Variants in SUMF1 observed in about 807,000 individuals in gnomAD.
SUMF1 encodes formylglycine-generating enzyme.
In SUMF1, 48 loss-of-function variants were observed where a neutral mutation model predicts 47.6. The observed-to-expected ratio is 1.01, with a 90% CI of 0.80 to 1.28. The LOEUF (loss-of-function observed/expected upper bound fraction) is 1.28. SUMF1 is among the 50% of genes most tolerant of loss of function. The probability of loss-of-function intolerance (pLI) is 0.00; values close to 1 mark genes in which losing one functional copy is unlikely to be tolerated. For synonymous variants in SUMF1, 230 were observed against 192.1 expected (o/e 1.20, Z -1.63); for missense variants, 571 against 485.4 (o/e 1.18, Z -1.66).
chr3:4,313,164 C>G (rs777727953), intron 8 of SUMF1: 6 of 1,613,998 alleles, frequency 3.7e-6, no homozygotes, highest in Admixed American at 3.3e-5. Flanking sequence ...AGTTCCACTT[C>G]CAAGTGTTCA....
chr3:4,298,209 A>G (rs1265916460), intron 8 of SUMF1, among the ~76,000 whole-genome samples: 1 of 152,196 alleles, frequency 6.6e-6, no homozygotes, highest in Non-Finnish European at 1.5e-5. Flanking sequence ...TCTAGCTATA[A>G]TGGTTTGCAG....
intron 7 of SUMF1, among the ~76,000 whole-genome samples, chr3:4,391,005 A>G (rs555776911): frequency 6.6e-4 from 100 of 152,206 alleles, no homozygotes; most frequent in African/African-American, 2.3e-3. Context: ...CTTCACCTTC[A>G]TTTTTGAAGG....
intron 9 of SUMF1, among the ~76,000 whole-genome samples, chr3:4,053,047 C>T (rs1193559340): frequency 6.6e-6 from 1 of 152,180 alleles, no homozygotes; most frequent in Non-Finnish European, 1.5e-5. Flanking sequence ...TTTTACATAC[C>T]TTCCTCACTA....
At chr3:4,270,864 A>T (rs537947294) in intron 8 of SUMF1, among the ~76,000 whole-genome samples, 9 of 152,364 alleles carry the variant, frequency 5.9e-5, no homozygotes, top group African/African-American at 2.2e-4. Flanking sequence ...ATTCTTAAAT[A>T]GCATTTCACC....
In SUMF1 at chr3:4,133,472, C is replaced by T. The variant is rs889926329; in HGVS notation, c.1015-64727G>A. Among the ~76,000 whole-genome samples, 4 of 151,986 alleles carry T rather than the reference C, an allele frequency of 2.6e-5. No homozygotes were observed. In the South Asian group the frequency reaches 8.3e-4, roughly 32 times the overall value. On this transcript the variant is annotated intron_variant and NMD_transcript_variant, in intron 8 of 12. Coordinates refer to the SUMF1 transcript ENST00000448413. ...GGATTGAAGGATACAAAGTATTGGTCCTCAGTGTGTCTGTGAGGGTGTTGC... is the reference window on the plus strand; with the variant it reads ...GGATTGAAGGATACAAAGTATTGGTTCTCAGTGTGTCTGTGAGGGTGTTGC...
At chr3:4,313,577 A>T in intron 8 of SUMF1, 1 of 1,614,104 alleles carries the variant, frequency 6.2e-7, no homozygotes, top group Non-Finnish European at 8.5e-7. Flanking sequence ...GAAAGGCTAG[A>T]TCATGGGAAA....
intron 9 of SUMF1, among the ~76,000 whole-genome samples, chr3:4,038,516 T>C (rs970058036): frequency 1.9e-4 from 29 of 152,152 alleles, no homozygotes; most frequent in South Asian, 2.1e-4. Flanking sequence ...CTGATAAATG[T>C]GGACTCCCAG....
chr3:4,390,535 G>T (rs908865927), intron 7 of SUMF1, among the ~76,000 whole-genome samples: 1 of 152,146 alleles, frequency 6.6e-6, no homozygotes, highest in South Asian at 2.1e-4. Context: ...ACACCTGTTA[G>T]CATTTCTGGG....
At chr3:4,080,085 G>T (rs1198594341) in intron 8 of SUMF1, among the ~76,000 whole-genome samples, 5 of 151,918 alleles carry the variant, frequency 3.3e-5, no homozygotes, top group Non-Finnish European at 7.4e-5. Flanking sequence ...TTTCCAGGGG[G>T]TGAGGAACAC....
intron 8 of SUMF1, among the ~76,000 whole-genome samples, chr3:4,216,361 C>T (rs907772768): frequency 2.6e-5 from 4 of 152,214 alleles, no homozygotes; most frequent in African/African-American, 7.2e-5. Context: ...AAACTGGAAC[C>T]CTTCCTTACA....
chr3:4,467,266 A>T lies in SUMF1; in HGVS notation c.-21T>A, dbSNP rs758662936. 3 of 1,602,424 alleles carry T rather than the reference A, an allele frequency of 1.9e-6. No homozygotes were observed. In the Admixed American group the frequency reaches 5.1e-5, roughly 27 times the overall value. ...GCCATGTTGTCCCGCGGGCCATGTG[A>T]CCCGGTTGGTCACGTGGCTGAGCCC... On this transcript the variant is annotated 5_prime_UTR_variant, in exon 1 of 9. Coordinates refer to ENST00000272902, the MANE Select transcript of SUMF1 (RefSeq NM_182760.4).
At chr3:4,173,030 T>A (rs1427043056) in intron 8 of SUMF1, among the ~76,000 whole-genome samples, 1 of 152,194 alleles carries the variant, frequency 6.6e-6, no homozygotes, top group African/African-American at 2.4e-5. Flanking sequence ...AATTTCTGTA[T>A]AAGGTGTAAG....
chr3:4,160,933 A>T (rs1380200866), intron 8 of SUMF1, among the ~76,000 whole-genome samples: 1 of 152,070 alleles, frequency 6.6e-6, no homozygotes, highest in African/African-American at 2.4e-5. Context: ...TAGTCTTCAC[A>T]GTTTGGGCTT....
chr3:4,139,887 G>C (rs776340469), intron 8 of SUMF1, among the ~76,000 whole-genome samples: 1 of 151,814 alleles, frequency 6.6e-6, no homozygotes, highest in African/African-American at 2.4e-5. Flanking sequence ...AGTTTATTTG[G>C]GCTATTTGAA....
chr3:4,230,421 A>T (rs576383298), intron 8 of SUMF1, among the ~76,000 whole-genome samples: 1 of 152,136 alleles, frequency 6.6e-6, no homozygotes, highest in East Asian at 1.9e-4. Flanking sequence ...ATAATTTGGT[A>T]AAATGGCTTA....
At chr3:4,265,187 T>C (rs952798496) in intron 8 of SUMF1, among the ~76,000 whole-genome samples, 1 of 151,078 alleles carries the variant, frequency 6.6e-6, no homozygotes, top group African/African-American at 2.4e-5. Context: ...ATATGTTCTA[T>C]GCATCTGGCA....
intron 7 of SUMF1, among the ~76,000 whole-genome samples, chr3:4,390,425 G>C (rs955123944): frequency 2.0e-5 from 3 of 152,180 alleles, no homozygotes; most frequent in African/African-American, 7.2e-5. Context: ...AAAGAGTAGA[G>C]TGGTTACTGT....
At chr3:4,092,414 A>G (rs757341531) in intron 8 of SUMF1, among the ~76,000 whole-genome samples, 16 of 152,232 alleles carry the variant, frequency 1.1e-4, no homozygotes, top group Non-Finnish European at 4.4e-5. Context: ...GAATTTCATG[A>G]CTTCAAAGAA....
At chr3:4,238,831 A>G (rs560938465) in intron 8 of SUMF1, among the ~76,000 whole-genome samples, 1 of 152,254 alleles carries the variant, frequency 6.6e-6, no homozygotes, top group Admixed American at 6.5e-5. Context: ...TTGGTGTTTT[A>G]GTCATGAAGT....
Sources: gnomAD v4.1 joint callset for allele counts (sites outside exome capture counted in the v4.1 genomes callset) on GRCh38, gnomAD v4.1.1 for gene constraint, MANE v1.5 for transcripts, NCBI Gene and HGNC (gene_info 2026-07-23, HGNC 2026-07-21) for gene names.